VAV2: variants seen among roughly 807,000 people sequenced by gnomAD.
VAV2 encodes guanine nucleotide exchange factor VAV2.
Under a neutral mutation model 132.5 loss-of-function variants are expected in VAV2, and 67 were observed. The observed-to-expected ratio is 0.51, with a 90% CI of 0.42 to 0.62. VAV2 has a LOEUF of 0.62. Ranked by LOEUF, VAV2 falls within the 20% of genes least tolerant of loss-of-function variation. VAV2 has a pLI of 0.00. For missense variants in VAV2, 938 were observed against 1,153.6 expected (o/e 0.81, Z 2.71); for synonymous variants, 492 against 443.5 (o/e 1.11, Z -1.37).
chr9:133,872,150 G>A (rs186120940), intron 2 of VAV2, among the ~76,000 whole-genome samples: 31 of 152,278 alleles, frequency 2.0e-4, no homozygotes, highest in Admixed American at 1.0e-3. Flanking sequence ...CGGGACACTG[G>A]CCAGGGCCAG....
At chr9:133,902,000 ACT>A (rs1839462621) in intron 2 of VAV2, among the ~76,000 whole-genome samples, 2 of 151,582 alleles carry the variant, frequency 1.3e-5, no homozygotes, top group Non-Finnish European at 2.9e-5. Context: ...ACGTCAGGAG[ACT>A]CTGTGGATGC....
At chr9:133,838,993 T>G in intron 3 of VAV2, among the ~76,000 whole-genome samples, 2 of 131,322 alleles carry the variant, frequency 1.5e-5, no homozygotes, top group African/African-American at 3.0e-5. Context: ...AATGGATGGA[T>G]GGGTGGGTAG....
chr9:133,831,336 T>C (rs1588238842), intron 4 of VAV2, among the ~76,000 whole-genome samples: 1 of 151,784 alleles, frequency 6.6e-6, no homozygotes, highest in Non-Finnish European at 1.5e-5. Flanking sequence ...CTGGGGAGGC[T>C]GAGGCAGGAA....
At chr9:133,927,594 T>G (rs906540915) in intron 2 of VAV2, among the ~76,000 whole-genome samples, 101 of 152,134 alleles carry the variant, frequency 6.6e-4, no homozygotes, top group African/African-American at 2.4e-3. Context: ...GCACCCCAAC[T>G]CACCCCCTGC....
In VAV2 at chr9:133,764,178, G is replaced by C. The variant is rs1040843928; in HGVS notation, c.2590-69C>G. 6 of 1,597,868 alleles carry C rather than the reference G, an allele frequency of 3.8e-6. No homozygotes were observed. In the African/African-American group the frequency reaches 8.0e-5, roughly 21 times the overall value. ...TGTAAGCAGGTGTGTGCATGTCTAT[G>C]TTGGGGTGAGGGCAAGTAGAGGCTC... is the stretch of plus-strand genomic sequence containing the variant. On this transcript the variant is annotated intron_variant, in intron 29 of 29. Transcript: ENST00000371850.
chr9:133,785,688 G>A, intron 17 of VAV2, 88 bp downstream of exon 17: 2 of 1,327,484 alleles, frequency 1.5e-6, no homozygotes, highest in Non-Finnish European at 2.1e-6. Flanking sequence ...CCTGGTCTGA[G>A]AGGAACCACA....
At chr9:133,986,287 G>A (rs977772769) in intron 1 of VAV2, among the ~76,000 whole-genome samples, 2 of 152,164 alleles carry the variant, frequency 1.3e-5, no homozygotes, top group South Asian at 2.1e-4. Flanking sequence ...GTGACCTGAC[G>A]CTGCTGATGG....
At position 133,935,940 on chromosome 9, in the gene VAV2, C is replaced by G. The variant is rs115139770; in HGVS notation, c.321+3163G>C. On this transcript the variant is annotated intron_variant, in intron 2 of 29. Transcript: ENST00000371850. This position sits in a 1 kb window ranked among gnomAD's most constrained non-coding sequence, Gnocchi z 5.2. The stretch of plus-strand genomic sequence containing the variant: ...TGACACACCACAGGCCACATTCACG[C>G]GGGCTCCAGGAGGCAAAGGGCATGG... Among the ~76,000 whole-genome samples, 2 of 152,200 alleles carry G rather than the reference C, an allele frequency of 1.3e-5. No individual in the cohort carries two copies.
At position 133,802,319 on chromosome 9, in the gene VAV2, C is replaced by T. The variant is rs536132176; in HGVS notation, c.836+3762G>A. On this transcript the variant is annotated intron_variant, in intron 9 of 29. Transcript: ENST00000371850. The surrounding 1 kb of genome is among the most constrained non-coding windows in gnomAD (Gnocchi z 5.8). ...ATGTGCACACAAACACACAAGCACG[C>T]GTGTACACACACACACACACACACA... Among the ~76,000 whole-genome samples, 274 of 130,142 alleles carry T rather than the reference C, an allele frequency of 2.1e-3. 1 individual carries two copies. The highest frequency in any genetic ancestry group is 8.6e-3 in the African/African-American group (252 of 29,260). 85.4% of individuals were successfully genotyped at this position (130,142 alleles called of 152,430 possible).
In VAV2 at chr9:133,879,854, G is replaced by C. The variant is rs779428301; in HGVS notation, c.322-18422C>G. Among the ~76,000 whole-genome samples the C allele has an allele frequency of 6.6e-6, 1 of 152,228 alleles. No homozygotes were observed. The highest frequency in any genetic ancestry group is 1.5e-5 in the Non-Finnish European group (1 of 68,040). On this transcript the variant is annotated intron_variant, in intron 2 of 29. Transcript: ENST00000371850. The surrounding 1 kb of genome is among the most constrained non-coding windows in gnomAD (Gnocchi z 4.4). ...AAACAGATGGAAACCGGCCGCAGACGAAGCTCTGGCATCCAGATTTGCTTC... is the reference window on the plus strand; with the variant it reads ...AAACAGATGGAAACCGGCCGCAGACCAAGCTCTGGCATCCAGATTTGCTTC...
intron 2 of VAV2, among the ~76,000 whole-genome samples, chr9:133,878,186 G>A (rs576202568): frequency 4.5e-4 from 68 of 152,320 alleles, no homozygotes; most frequent in East Asian, 1.2e-3. Flanking sequence ...GGTGTACCAC[G>A]GGGCAGGCAC....
At chr9:133,882,891 G>A (rs1838555333) in intron 2 of VAV2, among the ~76,000 whole-genome samples, 1 of 152,166 alleles carries the variant, frequency 6.6e-6, no homozygotes, top group African/African-American at 2.4e-5. Context: ...ACAGCTGAGA[G>A]GCCCAGGAGG....
intron 1 of VAV2, among the ~76,000 whole-genome samples, chr9:133,948,910 T>C (rs1399534168): frequency 1.3e-5 from 2 of 152,210 alleles, no homozygotes; most frequent in Non-Finnish European, 2.9e-5. Flanking sequence ...ATCCAGGTGG[T>C]CTGGTCCTGT....
chr9:133,792,418 G>A (rs900825066), intron 12 of VAV2, among the ~76,000 whole-genome samples: 3 of 151,284 alleles, frequency 2.0e-5, no homozygotes, highest in African/African-American at 7.3e-5. Flanking sequence ...GTGATTGTGT[G>A]AGAACATGTG....
Position 133,802,467 on chromosome 9 carries a change from T to G in VAV2, c.836+3614A>C, listed in dbSNP as rs1286050008. On this transcript the variant is annotated intron_variant, in intron 9 of 29. Coordinates refer to ENST00000371850, the MANE Select transcript of VAV2 (RefSeq NM_001134398.2). The surrounding 1 kb of genome is among the most constrained non-coding windows in gnomAD (Gnocchi z 5.8). ...GAGAAAGTTGTTCAGGCGCAAATGATTTCTGTCCTGATAGAGGACATGGCC... is the reference window on the plus strand; with the variant it reads ...GAGAAAGTTGTTCAGGCGCAAATGAGTTCTGTCCTGATAGAGGACATGGCC... Among the ~76,000 whole-genome samples, 1 of 148,970 alleles carries G rather than the reference T, an allele frequency of 6.7e-6. No individual in the cohort carries two copies. Among genetic ancestry groups the G allele is most frequent in the South Asian group, 2.2e-4 (1 of 4,580 alleles).
intron 17 of VAV2, among the ~76,000 whole-genome samples, chr9:133,785,111 G>A (rs1338790119): frequency 6.6e-6 from 1 of 152,132 alleles, no homozygotes; most frequent in East Asian, 1.9e-4. Flanking sequence ...TGGCCCTGCT[G>A]TGTCCAATGG....
intron 1 of VAV2, among the ~76,000 whole-genome samples, chr9:133,968,035 G>A (rs1842205377): frequency 6.6e-6 from 1 of 151,828 alleles, no homozygotes; most frequent in Non-Finnish European, 1.5e-5. Context: ...GTGGAATGAT[G>A]GACATCAGAG....
In VAV2 at chr9:133,776,540, C is replaced by T. The variant is rs567803554; in HGVS notation, c.1966-460G>A. ...GCCCCCCACCCTGGCCTCACTGGGC[C>T]ACAGGCTGGGCACAGCCTCAGAGAC... On this transcript the variant is annotated intron_variant, in intron 23 of 29. Coordinates refer to ENST00000371850, the MANE Select transcript of VAV2 (RefSeq NM_001134398.2). Among the ~76,000 whole-genome samples the T allele has an allele frequency of 7.6e-4, 116 of 152,308 alleles. 4 individuals carry two copies. In the South Asian group the frequency reaches 0.023, roughly 30 times the overall value.
At chr9:133,987,698 C>T (rs2789863) in intron 1 of VAV2, among the ~76,000 whole-genome samples, 86,403 of 152,078 alleles carry the variant, frequency 0.57, 25,207 homozygotes, top group East Asian at 0.84. Flanking sequence ...GCGGGTGGTA[C>T]CTTAAGGGTG....
Sources: allele counts gnomAD v4.1 joint callset (sites outside exome capture counted in the v4.1 genomes callset), GRCh38; gene constraint gnomAD v4.1.1; non-coding constraint Gnocchi (gnomAD v3.1); transcripts MANE v1.5; gene names NCBI Gene and HGNC (gene_info 2026-07-23, HGNC 2026-07-21).